Variants in AKAP7 observed in about 807,000 individuals in gnomAD.
AKAP7 encodes the protein A-kinase anchoring protein 7, also known as A kinase (PRKA) anchor protein 7.
AKAP7 carries 39 observed loss-of-function variants against 39.5 expected under a neutral mutation model. The ratio of observed to expected loss-of-function variants is 0.99; its 90% CI spans 0.76 to 1.29. The LOEUF (loss-of-function observed/expected upper bound fraction) is 1.29, where lower values mean the gene tolerates loss of function less well. AKAP7 is among the 50% of genes most tolerant of loss of function. The pLI, the probability that AKAP7 is intolerant of heterozygous loss-of-function variation, is 0.00. For missense variants in AKAP7, 414 were observed against 407.7 expected (o/e 1.02, Z -0.13); for synonymous variants, 140 against 139.1 (o/e 1.01, Z -0.05).
intron 7 of AKAP7, among the ~76,000 whole-genome samples, chr6:131,270,621 G>A (rs770626070): frequency 2.0e-5 from 3 of 152,120 alleles, no homozygotes; most frequent in Non-Finnish European, 4.4e-5. Context: ...GTAAGAATAT[G>A]GTCAACTTTT....
chr6:131,188,087 A>G (rs761484285), intron 5 of AKAP7, among the ~76,000 whole-genome samples: 2 of 152,246 alleles, frequency 1.3e-5, no homozygotes, highest in African/African-American at 4.8e-5. Flanking sequence ...ATCAAGATGT[A>G]TTTTAAAGAT....
intron 5 of AKAP7, among the ~76,000 whole-genome samples, chr6:131,198,384 C>T (rs966091129): frequency 1.3e-5 from 2 of 152,162 alleles, no homozygotes; most frequent in Non-Finnish European, 2.9e-5. Context: ...AGATGCCAGG[C>T]ATTGTGAAGT....
chr6:131,209,529 C>A (rs976356887), intron 6 of AKAP7, among the ~76,000 whole-genome samples: 1 of 152,088 alleles, frequency 6.6e-6, no homozygotes, highest in Admixed American at 6.5e-5. Flanking sequence ...GGATTACAAG[C>A]GTGAGCCACC....
intron 1 of AKAP7, 140 bp from the exon 2 acceptor site, chr6:131,145,145 A>T (rs1302334054): frequency 2.1e-6 from 1 of 474,196 alleles, no homozygotes; most frequent in East Asian, 3.9e-5. Context: ...GCTTTATGAT[A>T]TATTTGAACA....
intron 6 of AKAP7, among the ~76,000 whole-genome samples, chr6:131,212,192 A>G (rs1461151463): frequency 1.3e-5 from 2 of 152,246 alleles, no homozygotes; most frequent in African/African-American, 4.8e-5. Flanking sequence ...GACGATCTGT[A>G]TTTTAAAGTA....
At chr6:131,200,860 C>G (rs1164880125) in intron 6 of AKAP7, 1 of 152,044 alleles carries the variant, frequency 6.6e-6, no homozygotes, top group Non-Finnish European at 1.5e-5. Context: ...ATGGATTGTC[C>G]TCTTCCAAGT....
At chr6:131,246,391 A>G (rs1294471293) in intron 7 of AKAP7, among the ~76,000 whole-genome samples, 1 of 152,176 alleles carries the variant, frequency 6.6e-6, no homozygotes. Context: ...AAAGCATGGA[A>G]AGGTTATGGT....
At chr6:131,187,773 C>G (rs1343821542) in intron 5 of AKAP7, among the ~76,000 whole-genome samples, 3 of 152,210 alleles carry the variant, frequency 2.0e-5, no homozygotes, top group Non-Finnish European at 4.4e-5. Context: ...TTTAGGTAGT[C>G]TCTCTTCCCT....
chr6:131,243,618 C>T (rs2128314532), intron 7 of AKAP7, among the ~76,000 whole-genome samples: 1 of 152,100 alleles, frequency 6.6e-6, no homozygotes, highest in African/African-American at 2.4e-5. Context: ...ATTAAAGTAC[C>T]TTTTATTTGA....
chr6:131,236,320 G>C (rs970039390), intron 7 of AKAP7, among the ~76,000 whole-genome samples: 5 of 152,160 alleles, frequency 3.3e-5, no homozygotes, highest in African/African-American at 1.2e-4. Flanking sequence ...TTGTAGTATA[G>C]TTCGAAGTCA....
rs182634560 is a variant in AKAP7 at position 131,239,491 on chromosome 6, C to A, written c.850+19683C>A. On this transcript the variant is annotated intron_variant, in intron 7 of 7. Transcript: ENST00000431975. ...TGGGGAAGTTCTCCTGGATAATATC[C>A]TGCAGAGTGTTTTCCAACTTGGTTC... is the stretch of plus-strand genomic sequence containing the variant. Among the ~76,000 whole-genome samples, 406 of 152,324 alleles carry A rather than the reference C, an allele frequency of 2.7e-3. 1 individual carries two copies. The highest frequency in any genetic ancestry group is 9.3e-3 in the African/African-American group (387 of 41,572).
At chr6:131,185,040 CTG>C (rs2128262268) in intron 5 of AKAP7, 1 of 730,496 alleles carries the variant, frequency 1.4e-6, no homozygotes, top group East Asian at 2.7e-5. Flanking sequence ...TCGTGCTTGA[CTG>C]TTTGTCACAG....
intron 5 of AKAP7, among the ~76,000 whole-genome samples, chr6:131,170,176 T>C (rs1273013212): frequency 3.2e-4 from 47 of 145,718 alleles, no homozygotes; most frequent in Admixed American, 2.9e-3. Context: ...AGGGATAGCA[T>C]TGGGAGATAT....
intron 6 of AKAP7, among the ~76,000 whole-genome samples, chr6:131,208,442 G>T (rs1808331395): frequency 6.6e-6 from 1 of 152,180 alleles, no homozygotes; most frequent in African/African-American, 2.4e-5. Flanking sequence ...AATGATTCCT[G>T]GTTGATCTTG....
intron 7 of AKAP7, among the ~76,000 whole-genome samples, chr6:131,230,189 C>T (rs1446908113): frequency 6.6e-6 from 1 of 152,176 alleles, no homozygotes; most frequent in Non-Finnish European, 1.5e-5. Flanking sequence ...TCCACAGTGG[C>T]AAAACTAATT....
intron 5 of AKAP7, among the ~76,000 whole-genome samples, chr6:131,180,207 C>CAGTT (rs1348956083): frequency 1.3e-5 from 2 of 152,210 alleles, no homozygotes; most frequent in African/African-American, 4.8e-5. Flanking sequence ...AATTCTCATA[C>CAGTT]AGTTTTGGGA....
chr6:131,188,084 T>G (rs1585045041), intron 5 of AKAP7, among the ~76,000 whole-genome samples: 1 of 152,262 alleles, frequency 6.6e-6, no homozygotes, highest in East Asian at 1.9e-4. Flanking sequence ...GGCATCAAGA[T>G]GTATTTTAAA....
chr6:131,159,842 A>T (rs1802782239), intron 2 of AKAP7, among the ~76,000 whole-genome samples: 1 of 152,250 alleles, frequency 6.6e-6, no homozygotes, highest in African/African-American at 2.4e-5. Context: ...TGTTTTGTCT[A>T]CAGCAGAGTT....
chr6:131,243,161 C>T, intron 7 of AKAP7, among the ~76,000 whole-genome samples: 1 of 152,026 alleles, frequency 6.6e-6, no homozygotes, highest in East Asian at 1.9e-4. Context: ...ATTAACCACC[C>T]CTTGAGTGAC....
Sources: gnomAD v4.1 joint callset for allele counts (sites outside exome capture counted in the v4.1 genomes callset) on GRCh38, gnomAD v4.1.1 for gene constraint, MANE v1.5 for transcripts, NCBI Gene and HGNC (gene_info 2026-07-23, HGNC 2026-07-21) for gene names.